LYRM4: variants seen among roughly 807,000 people sequenced by gnomAD.
The protein encoded by LYRM4 is LYR motif containing 4.
LYRM4 carries 9 observed loss-of-function variants against 11.7 expected under a neutral mutation model. That is an observed-to-expected ratio of 0.77 (90% CI 0.46 to 1.34). The LOEUF is 1.34. LYRM4 is among the 40% of genes most tolerant of loss of function. The pLI is 0.00. For missense variants in LYRM4, 133 were observed against 112.5 expected, an observed-to-expected ratio of 1.18 and a Z score of -0.82; for synonymous variants, 42 against 40.4, an observed-to-expected ratio of 1.04 and a Z score of -0.15.
the LYRM4 span, among the ~76,000 whole-genome samples, chr6:5,073,345 G>A: frequency 1.3e-5 from 2 of 152,006 alleles, no homozygotes; most frequent in Non-Finnish European, 2.9e-5. Flanking sequence ...GCCCCAGCCT[G>A]GGTGACAGAG....
At chr6:5,087,104 C>T in the LYRM4 span, 1 of 153,216 alleles carries the variant, frequency 6.5e-6, no homozygotes, top group Admixed American at 6.5e-5. Context: ...GGGGCTGGGC[C>T]AGGCCACCCT....
At chr6:5,157,511 T>C (rs1467714255) in intron 2 of LYRM4, among the ~76,000 whole-genome samples, 1 of 133,948 alleles carries the variant, frequency 7.5e-6, no homozygotes, top group Non-Finnish European at 1.6e-5. Flanking sequence ...TATCTAAAAC[T>C]AAAAAAAAAA....
At chr6:5,034,966 T>C in the LYRM4 span, among the ~76,000 whole-genome samples, 1 of 151,694 alleles carries the variant, frequency 6.6e-6, no homozygotes, top group South Asian at 2.1e-4. Flanking sequence ...ATTGTAAAAA[T>C]ACCCGCTGAG....
At chr6:5,138,487 C>CAAAAAAAAAAAAAAAAAAAAAA (rs765741377) in intron 2 of LYRM4, among the ~76,000 whole-genome samples, 3 of 49,686 alleles carry the variant, frequency 6.0e-5, no homozygotes, top group South Asian at 1.4e-3. Context: ...ACCCTGTCTC[C>CAAAAAAAAAAAAAAAAAAAAAA]AAAAAAAAAA....
At chr6:5,062,678 A>G in the LYRM4 span, among the ~76,000 whole-genome samples, 4 of 152,172 alleles carry the variant, frequency 2.6e-5, no homozygotes, top group South Asian at 2.1e-4. Flanking sequence ...CTGAAAACAC[A>G]TAACACATCC....
intron 2 of LYRM4, among the ~76,000 whole-genome samples, chr6:5,198,288 A>G (rs1761187605): frequency 6.6e-6 from 1 of 152,212 alleles, no homozygotes; most frequent in Non-Finnish European, 1.5e-5. Context: ...CCAAGTGCAA[A>G]TATCTACTTG....
At position 5,125,138 on chromosome 6, in the gene LYRM4, C is replaced by A. The variant is rs115811367; in HGVS notation, c.208-15647G>T. Among the ~76,000 whole-genome samples, 685 of 152,300 alleles carry A rather than the reference C, an allele frequency of 4.5e-3. 7 individuals are homozygous for A. Among genetic ancestry groups the A allele is most frequent in the African/African-American group, 0.016 (658 of 41,556 alleles). On this transcript the variant is annotated intron_variant, in intron 2 of 2. Transcript: ENST00000330636. ...CTGCAGCCACGGTAAGGAGAAGGGG[C>A]CTGTGCCCCACCTTGCTGCACCTGC...
intron 1 of LYRM4, among the ~76,000 whole-genome samples, chr6:5,259,956 G>A (rs1192957527): frequency 6.6e-6 from 1 of 152,168 alleles, no homozygotes; most frequent in African/African-American, 2.4e-5. Flanking sequence ...GCAAATAGGG[G>A]AGTGGGGAGG....
the LYRM4 span, among the ~76,000 whole-genome samples, chr6:5,071,345 A>T: frequency 1.7e-4 from 26 of 152,194 alleles, no homozygotes; most frequent in African/African-American, 4.1e-4. Flanking sequence ...TATTTAAAAA[A>T]TTTTTTTAAA....
the LYRM4 span, chr6:5,088,640 AC>A: frequency 6.6e-6 from 1 of 152,168 alleles, no homozygotes; most frequent in African/African-American, 2.4e-5. Flanking sequence ...AGGCTGGCCA[AC>A]CCCTGCTCTA....
At chr6:5,199,173 G>A (rs569558398) in intron 2 of LYRM4, among the ~76,000 whole-genome samples, 1 of 152,334 alleles carries the variant, frequency 6.6e-6, no homozygotes, top group Admixed American at 6.5e-5. Flanking sequence ...ATCTACAAAT[G>A]AATGGATAAA....
At chr6:5,101,089 C>T (rs1440693097), downstream of LYRM4, among the ~76,000 whole-genome samples, 3 of 152,154 alleles carry the variant, frequency 2.0e-5, no homozygotes, top group Non-Finnish European at 4.4e-5. Context: ...TGCCGTACAT[C>T]GCTGTTCCCT....
the LYRM4 span, chr6:5,066,753 T>C: frequency 2.7e-6 from 2 of 750,654 alleles, no homozygotes; most frequent in East Asian, 2.5e-5. Context: ...CAATCTCCGA[T>C]TGGTTACGTA....
intron 2 of LYRM4, among the ~76,000 whole-genome samples, chr6:5,117,666 T>C (rs1391594976): frequency 6.6e-6 from 1 of 152,188 alleles, no homozygotes; most frequent in Non-Finnish European, 1.5e-5. Context: ...CTCTGCTCTA[T>C]AGCATATTTA....
intron 2 of LYRM4, among the ~76,000 whole-genome samples, chr6:5,203,148 C>T (rs372042536): frequency 4.9e-4 from 75 of 152,310 alleles, no homozygotes; most frequent in Middle Eastern, 3.4e-3. Context: ...CCACGCCCCC[C>T]GGACTTTGGT....
the LYRM4 span, among the ~76,000 whole-genome samples, chr6:5,071,428 C>T: frequency 6.6e-6 from 1 of 151,880 alleles, no homozygotes; most frequent in Non-Finnish European, 1.5e-5. Flanking sequence ...ACTTTTCAAC[C>T]ACCTCCAGCA....
In LYRM4 at chr6:5,237,087, G is replaced by T. The variant is rs115510923; in HGVS notation, c.87-20349C>A. 8.4e-3 allele frequency among the ~76,000 whole-genome samples: 1,282 copies of T among 152,306 alleles called. 25 individuals are homozygous for T. Among genetic ancestry groups the T allele is most frequent in the African/African-American group, 0.029 (1,212 of 41,556 alleles). ...GAATTGGCTTTCTACTCAGTCTAGA[G>T]CTTGTATGGGAGTGTAACTTCACAT... On this transcript the variant is annotated intron_variant, in intron 1 of 2. Coordinates refer to ENST00000330636, the MANE Select transcript of LYRM4 (RefSeq NM_020408.6).
intron 2 of LYRM4, among the ~76,000 whole-genome samples, chr6:5,174,466 T>C (rs1427286688): frequency 6.6e-6 from 1 of 152,106 alleles, no homozygotes; most frequent in African/African-American, 2.4e-5. Flanking sequence ...ACAATGATAG[T>C]CTTCACAAAA....
intron 2 of LYRM4, among the ~76,000 whole-genome samples, chr6:5,195,863 T>A (rs1761022157): frequency 1.3e-5 from 2 of 152,204 alleles, no homozygotes; most frequent in African/African-American, 4.8e-5. Flanking sequence ...CTGTCTTATC[T>A]ATCACTGTAT....
Sources: allele counts gnomAD v4.1 joint callset (sites outside exome capture counted in the v4.1 genomes callset), GRCh38; gene constraint gnomAD v4.1.1; transcripts MANE v1.5; gene names NCBI Gene and HGNC (gene_info 2026-07-23, HGNC 2026-07-21).